AMOTL1: variants seen among roughly 807,000 people sequenced by gnomAD.
The protein encoded by AMOTL1 is angiomotin-like protein 1.
AMOTL1 carries 45 observed loss-of-function variants against 102.9 expected under a neutral mutation model. The ratio of observed to expected loss-of-function variants is 0.44; its 90% CI spans 0.34 to 0.56. AMOTL1 has a LOEUF of 0.56. Ranked by LOEUF, AMOTL1 falls within the 20% of genes least tolerant of loss-of-function variation. AMOTL1 has a pLI of 0.01. For synonymous variants in AMOTL1, 481 were observed against 484.7 expected (o/e 0.99, Z 0.10); for missense variants, 1,114 against 1,225.6 (o/e 0.91, Z 1.36).
chr11:94,827,345 G>A (rs1290954011), intron 4 of AMOTL1, among the ~76,000 whole-genome samples: 2 of 152,202 alleles, frequency 1.3e-5, no homozygotes, highest in African/African-American at 4.8e-5. Context: ...GCCTCAAAGT[G>A]TGTGGTACTC....
chr11:94,779,869 A>T (rs1178884507), intron 1 of AMOTL1, among the ~76,000 whole-genome samples: 1 of 152,174 alleles, frequency 6.6e-6, no homozygotes, highest in Non-Finnish European at 1.5e-5. Flanking sequence ...TTAAAAAAAA[A>T]AATTATCGTT....
At chr11:94,765,945 G>A (rs1950850236), upstream of AMOTL1, among the ~76,000 whole-genome samples, 1 of 152,178 alleles carries the variant, frequency 6.6e-6, no homozygotes, top group South Asian at 2.1e-4. Context: ...AAGTCACTCA[G>A]CATCTTTCTC....
intron 1 of AMOTL1, among the ~76,000 whole-genome samples, chr11:94,778,728 C>T (rs899905879): frequency 6.6e-6 from 1 of 152,194 alleles, no homozygotes; most frequent in African/African-American, 2.4e-5. Flanking sequence ...TCTGCTCCAT[C>T]ATTCCTGGGA....
chr11:94,796,923 A>G (rs1363234264), intron 2 of AMOTL1: 1 of 809,720 alleles, frequency 1.2e-6, no homozygotes, highest in Non-Finnish European at 1.5e-6. Context: ...TCTTGTATAT[A>G]AGCATATCAC....
At chr11:94,753,061 C>T (rs181866832) in intron 3 of AMOTL1, among the ~76,000 whole-genome samples, 25 of 152,242 alleles carry the variant, frequency 1.6e-4, no homozygotes, top group Non-Finnish European at 2.5e-4. Flanking sequence ...CAAATTCAAA[C>T]GGCAACTCCA....
chr11:94,849,804 TA>T (rs556037581), intron 6 of AMOTL1, among the ~76,000 whole-genome samples: 215 of 152,270 alleles, frequency 1.4e-3, no homozygotes, highest in African/African-American at 5.1e-3. Flanking sequence ...AATGTAATAG[TA>T]GATACAAGAT....
intron 1 of AMOTL1, among the ~76,000 whole-genome samples, chr11:94,771,162 A>T (rs1417908129): frequency 6.6e-6 from 1 of 151,602 alleles, no homozygotes; most frequent in African/African-American, 2.4e-5. Context: ...AGGCCAATAA[A>T]TTAAAAAGAA....
At chr11:94,810,646 T>G (rs886492734) in intron 3 of AMOTL1, among the ~76,000 whole-genome samples, 1 of 152,210 alleles carries the variant, frequency 6.6e-6, no homozygotes, top group East Asian at 1.9e-4. Context: ...GTCTGGTGCC[T>G]TCTTTGTTTT....
chr11:94,707,140 G>C (rs748072041), intron 1 of AMOTL1, among the ~76,000 whole-genome samples: 1 of 151,974 alleles, frequency 6.6e-6, no homozygotes, highest in Non-Finnish European at 1.5e-5. Flanking sequence ...CTGTGCTGCC[G>C]CATGCAGGGC....
chr11:94,792,259 G>A (rs1483336525), intron 1 of AMOTL1, among the ~76,000 whole-genome samples: 2 of 152,174 alleles, frequency 1.3e-5, no homozygotes, highest in African/African-American at 4.8e-5. Context: ...TCATAGGTGG[G>A]AATTGAACAA....
rs951358865 is a variant in AMOTL1 at position 94,864,600 on chromosome 11, C to G, written c.2136-135C>G. 8 of 1,244,184 alleles carry G rather than the reference C, an allele frequency of 6.4e-6. No homozygotes were observed. In the East Asian group the frequency reaches 1.5e-4, roughly 24 times the overall value. The allele number at this position is 1,244,184 out of a possible 1,614,324, so 77.1% of individuals were successfully genotyped here. A position where few individuals can be genotyped will look rare whatever the true frequency, so the allele number is the denominator to read the frequency against. On this transcript the variant is annotated intron_variant, in intron 9 of 12. Coordinates refer to ENST00000433060, the MANE Select transcript of AMOTL1 (RefSeq NM_130847.3). ...AGCTGGGGAAATTGGGAGGGAAAGG[C>G]TTCATGAGCCAATGCGAGATGCAGA...
At chr11:94,715,031 A>G (rs1367036865) in intron 1 of AMOTL1, among the ~76,000 whole-genome samples, 1 of 152,066 alleles carries the variant, frequency 6.6e-6, no homozygotes, top group Non-Finnish European at 1.5e-5. Flanking sequence ...TTGCCACTTT[A>G]GCTGCATCTT....
chr11:94,848,233 C>T (rs1395499372), intron 6 of AMOTL1, among the ~76,000 whole-genome samples: 3 of 152,154 alleles, frequency 2.0e-5, no homozygotes, highest in Non-Finnish European at 4.4e-5. Flanking sequence ...TTAGGTCTCT[C>T]ACATGCCTGT....
intron 4 of AMOTL1, among the ~76,000 whole-genome samples, chr11:94,828,168 T>G (rs543469065): frequency 1.6e-4 from 24 of 152,338 alleles, no homozygotes; most frequent in African/African-American, 5.5e-4. Flanking sequence ...ATCATTTATC[T>G]TGGTTAAGTC....
rs1354715598 is a variant in AMOTL1 at position 94,869,330 on chromosome 11, ACAG to A, written c.2627_2629del (p.Ser876del). On this transcript the variant is annotated inframe_deletion, in exon 12 of 13. Transcript: ENST00000433060. The stretch of plus-strand genomic sequence containing the variant: ...GCCCACGCCAAGACAGGCAGCAAGG[ACAG>A]CAGCACACAGACTGACAAGAGTGCC... 6.2e-7 allele frequency: 1 copy of A among 1,612,554 alleles called. No individual in the cohort carries two copies.
At chr11:94,729,593 A>G (rs1950314142) in intron 2 of AMOTL1, among the ~76,000 whole-genome samples, 1 of 152,172 alleles carries the variant, frequency 6.6e-6, no homozygotes, top group African/African-American at 2.4e-5. Context: ...GCATACAAAT[A>G]TAAGAACCAT....
At chr11:94,866,791 G>C (rs1349607895) in intron 11 of AMOTL1, 1 of 156,524 alleles carries the variant, frequency 6.4e-6, no homozygotes, top group Non-Finnish European at 1.4e-5. Flanking sequence ...TGGGATAATG[G>C]GGAGAGCACA....
intron 3 of AMOTL1, among the ~76,000 whole-genome samples, chr11:94,814,055 C>T (rs527721402): frequency 7.0e-4 from 107 of 152,288 alleles, no homozygotes; most frequent in Non-Finnish European, 1.3e-3. Context: ...CAGGTAGCTT[C>T]GGGTGGGGCT....
At chr11:94,782,935 TATC>T (rs1405498818) in intron 1 of AMOTL1, among the ~76,000 whole-genome samples, 1 of 152,234 alleles carries the variant, frequency 6.6e-6, no homozygotes, top group African/African-American at 2.4e-5. Context: ...TTATGTAACA[TATC>T]ATGGCTTTAT....
Sources: gnomAD v4.1 joint callset for allele counts (sites outside exome capture counted in the v4.1 genomes callset) on GRCh38, gnomAD v4.1.1 for gene constraint, MANE v1.5 for transcripts, NCBI Gene and HGNC (gene_info 2026-07-23, HGNC 2026-07-21) for gene names.